SEPTIN9: variants seen among roughly 807,000 people sequenced by gnomAD.
SEPTIN9 encodes septin 9.
A neutral mutation model predicts 56.6 loss-of-function variants in SEPTIN9; 13 were observed. The observed-to-expected ratio is 0.23, with a 90% CI of 0.15 to 0.37. The LOEUF (loss-of-function observed/expected upper bound fraction) is 0.37, where lower values mean the gene tolerates loss of function less well. Among genes scored for constraint, SEPTIN9 ranks in the 10% least tolerant of loss-of-function variants. The probability of loss-of-function intolerance (pLI) is 1.00; values close to 1 mark genes in which losing one functional copy is unlikely to be tolerated. For missense variants in SEPTIN9, 650 were observed against 823.1 expected, an observed-to-expected ratio of 0.79 and a Z score of 2.57; for synonymous variants, 332 against 334.1, an observed-to-expected ratio of 0.99 and a Z score of 0.07.
At chr17:77,370,929 A>G (rs1321743589) in intron 2 of SEPTIN9, among the ~76,000 whole-genome samples, 1 of 152,244 alleles carries the variant, frequency 6.6e-6, no homozygotes, top group Non-Finnish European at 1.5e-5. Flanking sequence ...GAGAAAGAGG[A>G]GGCCAAGGAG....
chr17:77,364,594 G>A (rs2034517024), intron 2 of SEPTIN9, among the ~76,000 whole-genome samples: 1 of 152,238 alleles, frequency 6.6e-6, no homozygotes, highest in African/African-American at 2.4e-5. Context: ...TGGCAGTGAG[G>A]AGAGGGGGGC....
At chr17:77,452,227 G>A (rs1052769248) in intron 3 of SEPTIN9, among the ~76,000 whole-genome samples, 5 of 152,240 alleles carry the variant, frequency 3.3e-5, no homozygotes, top group Admixed American at 1.3e-4. Context: ...CAGTGAGCAG[G>A]GGCTGAGGGA....
chr17:77,399,555 T>C (rs993160742), intron 2 of SEPTIN9, among the ~76,000 whole-genome samples: 4 of 152,184 alleles, frequency 2.6e-5, no homozygotes, highest in Admixed American at 2.6e-4. Context: ...ATCAGCCCGA[T>C]GTACAGTCTG....
rs1177469024 is a variant in SEPTIN9, at chr17:77,389,916, T to C, written c.77-12143T>C. ...TGTGCCAGAGGTGCTCCCATTCCCATAGCTGATTTAGTAAAGAAAAGAGGA... is the reference window on the plus strand; with the variant it reads ...TGTGCCAGAGGTGCTCCCATTCCCACAGCTGATTTAGTAAAGAAAAGAGGA... On this transcript the variant is annotated intron_variant, in intron 2 of 11. Coordinates refer to ENST00000427177, the MANE Select transcript of SEPTIN9 (RefSeq NM_001113491.2). This position sits in a 1 kb window ranked among gnomAD's most constrained non-coding sequence, Gnocchi z 4.3. Among the ~76,000 whole-genome samples the C allele has an allele frequency of 6.6e-6, 1 of 151,996 alleles. No homozygotes were observed. Among genetic ancestry groups the C allele is most frequent in the Non-Finnish European group, 1.5e-5 (1 of 67,984 alleles).
intron 1 of SEPTIN9, among the ~76,000 whole-genome samples, chr17:77,297,748 A>G (rs1311775515): frequency 6.6e-6 from 1 of 152,220 alleles, no homozygotes; most frequent in East Asian, 1.9e-4. Context: ...CTTGGAGTTT[A>G]CATGCAGTAG....
chr17:77,472,719 C>G (rs2039054341), intron 3 of SEPTIN9: 1 of 152,256 alleles, frequency 6.6e-6, no homozygotes, highest in Non-Finnish European at 1.5e-5. Context: ...CAGAGTGTCT[C>G]AGGAGGGGAA....
At position 77,476,657 on chromosome 17, in the gene SEPTIN9, G is replaced by A. The variant is rs931931469; in HGVS notation, c.722-5487G>A. Among the ~76,000 whole-genome samples the A allele has an allele frequency of 3.9e-5, 6 of 152,268 alleles. No homozygotes were observed. Among genetic ancestry groups the A allele is most frequent in the African/African-American group, 1.4e-4 (6 of 41,480 alleles). The stretch of plus-strand genomic sequence containing the variant: ...CGGTGACCTACTGCCACCAGCGCCA[G>A]TGAATGGCAGAGGGGCCCTGGCATA... On this transcript the variant is annotated intron_variant, in intron 3 of 11. Transcript: ENST00000427177. The surrounding 1 kb of genome is among the most constrained non-coding windows in gnomAD (Gnocchi z 6.0).
intron 2 of SEPTIN9, among the ~76,000 whole-genome samples, chr17:77,365,619 G>T (rs1391743152): frequency 6.6e-6 from 1 of 152,172 alleles, no homozygotes; most frequent in Non-Finnish European, 1.5e-5. Flanking sequence ...GACAGGCCCT[G>T]TGGAGCCTTC....
rs73375351 is a variant in SEPTIN9 at position 77,422,576 on chromosome 17, A to G, written c.721+19873A>G. ...GTGGTCAGGCGGATCCTGGAAAACC[A>G]TCCTCTGCAGGTCCCGCTTTCCCCA... is the stretch of plus-strand genomic sequence containing the variant. On this transcript the variant is annotated intron_variant, in intron 3 of 11. Transcript: ENST00000427177. Among the ~76,000 whole-genome samples, 446 of 152,182 alleles carry G rather than the reference A, an allele frequency of 2.9e-3. 1 individual carries two copies. The highest frequency in any genetic ancestry group is 9.9e-3 in the African/African-American group (411 of 41,518).
At chr17:77,388,842 T>G (rs2035434256) in intron 2 of SEPTIN9, among the ~76,000 whole-genome samples, 2 of 145,322 alleles carry the variant, frequency 1.4e-5, no homozygotes, top group South Asian at 2.2e-4. Context: ...TTTGCATTTT[T>G]TAAGTGCTTG....
In SEPTIN9 at chr17:77,370,792, T is replaced by C. The variant is rs1477031924; in HGVS notation, c.77-31267T>C. Among the ~76,000 whole-genome samples, 4 of 152,050 alleles carry C rather than the reference T, an allele frequency of 2.6e-5. No individual in the cohort carries two copies. The East Asian group carries it at 5.8e-4, about 22-fold the overall frequency. ...CCCTAGAAAAGGGGGGTGGAGGGCCTCCTCACTATCCTGTAGCAATGAGGC... is the reference window on the plus strand; with the variant it reads ...CCCTAGAAAAGGGGGGTGGAGGGCCCCCTCACTATCCTGTAGCAATGAGGC... On this transcript the variant is annotated intron_variant, in intron 2 of 11. Transcript: ENST00000427177.
chr17:77,305,554 A>G (rs909938665), intron 1 of SEPTIN9, among the ~76,000 whole-genome samples: 2 of 151,824 alleles, frequency 1.3e-5, no homozygotes, highest in African/African-American at 2.4e-5. Context: ...TGTCACACGC[A>G]TTTCTCACGG....
At chr17:77,488,903 C>T (rs1294495787) in intron 7 of SEPTIN9, 39 bp downstream of exon 7, 4 of 1,608,984 alleles carry the variant, frequency 2.5e-6, no homozygotes, top group Admixed American at 1.7e-5. Context: ...TGCCGGGTGC[C>T]CTGGGTTCCC....
chr17:77,366,830 C>A lies in SEPTIN9; in HGVS notation c.77-35229C>A, dbSNP rs367856229. On this transcript the variant is annotated intron_variant, in intron 2 of 11. Coordinates refer to ENST00000427177, the MANE Select transcript of SEPTIN9 (RefSeq NM_001113491.2). ...GCTCGGATGAGGTGGGGGTGGGGAA[C>A]CGGGGAGCCATGGAGCAGAGCATTT... Among the ~76,000 whole-genome samples the A allele has an allele frequency of 6.8e-4, 104 of 152,238 alleles. 1 individual carries two copies. The highest frequency in any genetic ancestry group is 2.5e-3 in the African/African-American group (103 of 41,540).
At chr17:77,293,058 G>A (rs894925809) in intron 1 of SEPTIN9, among the ~76,000 whole-genome samples, 2 of 151,396 alleles carry the variant, frequency 1.3e-5, no homozygotes, top group African/African-American at 2.4e-5. Flanking sequence ...ACTCTGTCAC[G>A]CAAGCTGAAG....
chr17:77,461,888 C>T (rs1006814834), intron 3 of SEPTIN9, among the ~76,000 whole-genome samples: 7 of 152,148 alleles, frequency 4.6e-5, no homozygotes, highest in Admixed American at 1.3e-4. Flanking sequence ...CCAATGGCGT[C>T]GTTCCAGTCC....
At position 77,377,761 on chromosome 17, in the gene SEPTIN9, G is replaced by A. The variant is rs1451797213; in HGVS notation, c.77-24298G>A. ...GCCTCTTTCCTCTCTAGAGAAAAAG[G>A]CCCCGTTGCTTGGTAATAGGTGCAG... is the stretch of plus-strand genomic sequence containing the variant. On this transcript the variant is annotated intron_variant, in intron 2 of 11. Coordinates refer to ENST00000427177, the MANE Select transcript of SEPTIN9 (RefSeq NM_001113491.2). Among the ~76,000 whole-genome samples the A allele has an allele frequency of 2.6e-5, 4 of 152,230 alleles. No homozygotes were observed. In the East Asian group the frequency reaches 7.7e-4, roughly 29 times the overall value.
At chr17:77,419,458 A>G (rs998890460) in intron 3 of SEPTIN9, among the ~76,000 whole-genome samples, 1 of 151,902 alleles carries the variant, frequency 6.6e-6, no homozygotes, top group Admixed American at 6.6e-5. Context: ...TGCCCAGCCC[A>G]GGAAGAAGAG....
intron 2 of SEPTIN9, among the ~76,000 whole-genome samples, chr17:77,383,126 T>C (rs2143979228): frequency 6.6e-6 from 1 of 151,784 alleles, no homozygotes; most frequent in South Asian, 2.1e-4. Context: ...TTGCCTGCCC[T>C]ACCCTCCCTC....
Sources: allele counts gnomAD v4.1 joint callset (sites outside exome capture counted in the v4.1 genomes callset), GRCh38; gene constraint gnomAD v4.1.1; non-coding constraint Gnocchi (gnomAD v3.1); transcripts MANE v1.5; gene names NCBI Gene and HGNC (gene_info 2026-07-23, HGNC 2026-07-21).